The following ABHD17B variants were observed in gnomAD, a reference collection of about 807,000 sequenced individuals.
ABHD17B encodes the protein abhydrolase domain containing 17B, depalmitoylase, also known as alpha/beta hydrolase domain-containing protein 17B.
A neutral mutation model predicts 26.2 loss-of-function variants in ABHD17B; 9 were observed. The observed-to-expected ratio is 0.34, with a 90% CI of 0.21 to 0.60. ABHD17B has a LOEUF of 0.60. Among genes scored for constraint, ABHD17B ranks in the 20% least tolerant of loss-of-function variants. ABHD17B has a pLI of 0.80. For synonymous variants in ABHD17B, 127 were observed against 122.3 expected, an observed-to-expected ratio of 1.04 and a Z score of -0.25; for missense variants, 224 against 352.1, an observed-to-expected ratio of 0.64 and a Z score of 2.91.
At chr9:71,902,420 C>T (rs1004287365) in intron 1 of ABHD17B, 3 of 147,800 alleles carry the variant, frequency 2.0e-5, no homozygotes, top group Non-Finnish European at 3.0e-5. Flanking sequence ...CCCCACCTTC[C>T]ACCCCACCCC....
At chr9:71,883,259 T>C (rs539952184) in intron 1 of ABHD17B, among the ~76,000 whole-genome samples, 2 of 152,356 alleles carry the variant, frequency 1.3e-5, no homozygotes, top group African/African-American at 4.8e-5. Flanking sequence ...CAAAGGTATA[T>C]ACATGTATTT....
At chr9:71,886,890 T>C (rs1025080725) in intron 1 of ABHD17B, among the ~76,000 whole-genome samples, 1 of 152,156 alleles carries the variant, frequency 6.6e-6, no homozygotes, top group Non-Finnish European at 1.5e-5. Flanking sequence ...ATTAATGTTT[T>C]AATATTTTGA....
chr9:71,872,952 G>C (rs1294686830), intron 2 of ABHD17B, among the ~76,000 whole-genome samples: 2 of 151,600 alleles, frequency 1.3e-5, no homozygotes, highest in Non-Finnish European at 2.9e-5. Context: ...TTCGCTATGA[G>C]AGCATAACTT....
chr9:71,901,008 C>T (rs1342400527), intron 1 of ABHD17B, among the ~76,000 whole-genome samples: 1 of 151,976 alleles, frequency 6.6e-6, no homozygotes, highest in African/African-American at 2.4e-5. Context: ...AAAAATTAGC[C>T]GGGCATGGTA....
At chr9:71,865,135 A>C, downstream of ABHD17B, 1 of 984,672 alleles carries the variant, frequency 1.0e-6, no homozygotes. Context: ...GCATGGAAAA[A>C]GGCAAATAAG....
intron 1 of ABHD17B, among the ~76,000 whole-genome samples, chr9:71,888,821 A>C (rs1026010370): frequency 1.3e-5 from 2 of 152,200 alleles, no homozygotes; most frequent in Non-Finnish European, 2.9e-5. Flanking sequence ...AAACTTTACC[A>C]AACAACAACA....
intron 1 of ABHD17B, among the ~76,000 whole-genome samples, chr9:71,903,108 C>T (rs1233204834): frequency 6.6e-6 from 1 of 152,058 alleles, no homozygotes; most frequent in Non-Finnish European, 1.5e-5. Context: ...ATCTTAAATA[C>T]TCTGATAAGC....
At chr9:71,875,594 C>T (rs912229589) in intron 1 of ABHD17B, among the ~76,000 whole-genome samples, 4 of 152,084 alleles carry the variant, frequency 2.6e-5, no homozygotes, top group Non-Finnish European at 5.9e-5. Context: ...CAGACAGACT[C>T]AAATCCTATA....
In ABHD17B at chr9:71,865,260, C is replaced by T; in HGVS notation, c.*1527G>A. 1.0e-6 allele frequency: 1 copy of T among 985,568 alleles called. No individual in the cohort carries two copies. The highest frequency in any genetic ancestry group is 4.7e-5 in the South Asian group (1 of 21,280). The allele number at this position is 985,568 out of a possible 1,614,324, so 61.1% of individuals were successfully genotyped here. A position where few individuals can be genotyped will look rare whatever the true frequency, so the allele number is the denominator to read the frequency against. ...TCATATACTATAGTCTTAAACATAACCACGGAACGAGCAGAACAATTAAAA... is the reference window on the plus strand; with the variant it reads ...TCATATACTATAGTCTTAAACATAATCACGGAACGAGCAGAACAATTAAAA... On this transcript the variant is annotated 3_prime_UTR_variant, in exon 4 of 4. Coordinates refer to ENST00000333421, the MANE Select transcript of ABHD17B (RefSeq NM_001025780.3).
intron 1 of ABHD17B, among the ~76,000 whole-genome samples, chr9:71,904,492 T>TA (rs1007069265): frequency 6.6e-5 from 10 of 151,576 alleles, no homozygotes; most frequent in Admixed American, 1.3e-4. Flanking sequence ...TCTATTCTGT[T>TA]AAAAAAAAAT....
Position 71,874,973 on chromosome 9 carries a change from T to C in ABHD17B, c.108A>G (p.Thr36=), listed in dbSNP as rs1319135989. 6.2e-7 allele frequency: 1 copy of C among 1,614,118 alleles called. No homozygotes were observed. The highest frequency in any genetic ancestry group is 8.5e-7 in the Non-Finnish European group (1 of 1,180,020). Residue 36 remains threonine, a synonymous_variant, in exon 2 of 4, where the codon ACA becomes ACG. Transcript: ENST00000333421. ...LAFLPPDPTY[T]LMCDESGSRW... is the part of the protein sequence containing the mutation. ...GGCTTCCGCTTTCATCACACATCAG[T>C]GTGTAAGTTGGATCAGGTGGCAAAA...
intron 1 of ABHD17B, among the ~76,000 whole-genome samples, chr9:71,894,621 T>C (rs1055750967): frequency 2.0e-5 from 3 of 152,216 alleles, no homozygotes; most frequent in African/African-American, 7.2e-5. Flanking sequence ...TGGAAATGTA[T>C]ACAAAGGGCC....
chr9:71,891,430 C>T (rs538514853), intron 1 of ABHD17B, among the ~76,000 whole-genome samples: 27 of 152,258 alleles, frequency 1.8e-4, no homozygotes, highest in Admixed American at 1.6e-3. Context: ...ATGTGGAATT[C>T]CTTTTTAGGA....
intron 1 of ABHD17B, among the ~76,000 whole-genome samples, chr9:71,898,122 C>A (rs979572664): frequency 2.6e-5 from 4 of 151,924 alleles, no homozygotes; most frequent in African/African-American, 9.7e-5. Flanking sequence ...GTCTTTTCAT[C>A]CAATAAAAAA....
At chr9:71,907,507 C>A (rs1827319606) in intron 1 of ABHD17B, among the ~76,000 whole-genome samples, 2 of 151,986 alleles carry the variant, frequency 1.3e-5, no homozygotes, top group South Asian at 4.2e-4. Context: ...AAGGAAACCT[C>A]GTTTTTTGTT....
chr9:71,897,159 A>G (rs1040116373), intron 1 of ABHD17B, among the ~76,000 whole-genome samples: 12 of 152,210 alleles, frequency 7.9e-5, no homozygotes, highest in Non-Finnish European at 1.5e-5. Context: ...AATAACCTAT[A>G]AAACTAATTA....
intron 1 of ABHD17B, among the ~76,000 whole-genome samples, chr9:71,886,074 T>C (rs1298544572): frequency 6.6e-6 from 1 of 152,204 alleles, no homozygotes; most frequent in Non-Finnish European, 1.5e-5. Context: ...TTAAGAACTA[T>C]AGTCTAAAAT....
At chr9:71,892,543 A>G (rs1247487690) in intron 1 of ABHD17B, among the ~76,000 whole-genome samples, 1 of 151,998 alleles carries the variant, frequency 6.6e-6, no homozygotes, top group Non-Finnish European at 1.5e-5. Context: ...AAAAAAAAAC[A>G]AAAACAAACA....
chr9:71,865,117 G>A (rs1388467877), downstream of ABHD17B: 2 of 973,360 alleles, frequency 2.1e-6, no homozygotes, highest in Non-Finnish European at 2.4e-6. Context: ...CTAGTGTGGG[G>A]GTGGGGAGCA....
Sources: allele counts gnomAD v4.1 joint callset (sites outside exome capture counted in the v4.1 genomes callset), GRCh38; gene constraint gnomAD v4.1.1; transcripts MANE v1.5; gene names NCBI Gene and HGNC (gene_info 2026-07-23, HGNC 2026-07-21).